Variants in COL25A1 observed in about 807,000 individuals in gnomAD.
The protein encoded by COL25A1 is collagen type XXV alpha 1 chain.
A neutral mutation model predicts 128.4 loss-of-function variants in COL25A1; 103 were observed. That is an observed-to-expected ratio of 0.80 (90% CI 0.68 to 0.94). COL25A1 has a LOEUF of 0.94. COL25A1 is among the 40% of genes least tolerant of loss of function. The pLI is 0.00. For missense variants in COL25A1, 745 were observed against 840.0 expected (o/e 0.89, Z 1.40); for synonymous variants, 279 against 277.2 (o/e 1.01, Z -0.06).
At position 109,050,199 on chromosome 4, in the gene COL25A1, T is replaced by G. The variant is rs1319945533; in HGVS notation, c.368-20A>C. On this transcript the variant is annotated intron_variant, in intron 3 of 37. Transcript: ENST00000399132. ...GAGGGCCTGAAATACAAAGGATAATTTTTTTAGTGTAGTTTAATTCTTTTT... is the reference window on the plus strand; with the variant it reads ...GAGGGCCTGAAATACAAAGGATAATGTTTTTAGTGTAGTTTAATTCTTTTT... 6.3e-7 allele frequency: 1 copy of G among 1,597,418 alleles called. No individual in the cohort carries two copies. The highest frequency in any genetic ancestry group is 8.6e-7 in the Non-Finnish European group (1 of 1,168,860).
chr4:109,023,332 C>G (rs1757939295), intron 5 of COL25A1, among the ~76,000 whole-genome samples: 1 of 152,172 alleles, frequency 6.6e-6, no homozygotes, highest in African/African-American at 2.4e-5. Flanking sequence ...CAAAACATCA[C>G]CACAACAAGG....
At chr4:108,987,868 G>T (rs777367972) in intron 6 of COL25A1, among the ~76,000 whole-genome samples, 16 of 152,076 alleles carry the variant, frequency 1.1e-4, no homozygotes, top group Non-Finnish European at 2.4e-4. Flanking sequence ...CCATGATCTC[G>T]CTCCCCAAAG....
In COL25A1 at chr4:108,941,370, A is replaced by G. The variant is rs758121123; in HGVS notation, c.560T>C (p.Ile187Thr). 1 of 1,613,358 alleles carries G rather than the reference A, an allele frequency of 6.2e-7. No homozygotes were observed. Among genetic ancestry groups the G allele is most frequent in the South Asian group, 1.1e-5 (1 of 91,078 alleles). The change falls in exon 9 of 38, where the codon ATT (isoleucine) becomes ACT (threonine). Residue 187 changes from isoleucine to threonine, a missense_variant. Coordinates refer to ENST00000399132, the MANE Select transcript of COL25A1 (RefSeq NM_198721.4). ...TTCAGCAAGAATAAGCACTACCTTAATCAGGCGGCGTTTAATGAGCTGCTG... is the reference window on the plus strand; with the variant it reads ...TTCAGCAAGAATAAGCACTACCTTAGTCAGGCGGCGTTTAATGAGCTGCTG... Reference protein sequence around the residue: ...ADQQLIKRRLIKGDQGQAGPP... With the variant: ...ADQQLIKRRLTKGDQGQAGPP...
intron 3 of COL25A1, among the ~76,000 whole-genome samples, chr4:109,215,983 A>G (rs1777948686): frequency 6.6e-6 from 1 of 152,100 alleles, no homozygotes; most frequent in Non-Finnish European, 1.5e-5. Context: ...CAGGGCAGCT[A>G]GCTTGCACTG....
intron 3 of COL25A1, among the ~76,000 whole-genome samples, chr4:109,091,509 G>A (rs574316468): frequency 7.2e-5 from 11 of 151,970 alleles, no homozygotes; most frequent in African/African-American, 2.2e-4. Context: ...CATCCAAATC[G>A]TCTCTGTGTG....
At chr4:108,832,289 TC>T in intron 32 of COL25A1, 90 bp downstream of exon 32, 1 of 887,612 alleles carries the variant, frequency 1.1e-6, no homozygotes, top group Non-Finnish European at 1.8e-6. Flanking sequence ...GCCCTTTATT[TC>T]TTCTGAAAAA....
intron 3 of COL25A1, among the ~76,000 whole-genome samples, chr4:109,108,438 C>T (rs1766665226): frequency 6.6e-6 from 1 of 152,110 alleles, no homozygotes; most frequent in African/African-American, 2.4e-5. Context: ...CATTGCTGGA[C>T]ATTTGGCTTG....
chr4:108,895,673 T>A (rs748384343), intron 16 of COL25A1, among the ~76,000 whole-genome samples: 3 of 152,164 alleles, frequency 2.0e-5, no homozygotes, highest in African/African-American at 4.8e-5. Flanking sequence ...CAAGACTGCA[T>A]TAGAGTGTCT....
At chr4:109,162,499 G>A (rs1403980016) in intron 3 of COL25A1, among the ~76,000 whole-genome samples, 2 of 152,180 alleles carry the variant, frequency 1.3e-5, no homozygotes, top group Non-Finnish European at 2.9e-5. Context: ...CTACATAGCA[G>A]TGTGACTCCC....
chr4:109,246,126 A>G (rs560895313), intron 3 of COL25A1, among the ~76,000 whole-genome samples: 2 of 152,170 alleles, frequency 1.3e-5, no homozygotes, highest in African/African-American at 4.8e-5. Flanking sequence ...ATGAAAATAG[A>G]TACTATCATA....
At chr4:109,070,548 T>A (rs1020481052) in intron 3 of COL25A1, among the ~76,000 whole-genome samples, 2 of 152,136 alleles carry the variant, frequency 1.3e-5, no homozygotes, top group Non-Finnish European at 2.9e-5. Context: ...ATTTCTTTTT[T>A]TATTATACTT....
At position 108,867,691 on chromosome 4, in the gene COL25A1, G is replaced by A. The variant is rs149542790; in HGVS notation, c.1083+1397C>T. ...TGGAAATCATCCCTGGCTTATTTCT[G>A]TTGAATGCAGTACACATTGAGGCAA... On this transcript the variant is annotated intron_variant, in intron 20 of 37. Coordinates refer to ENST00000399132, the MANE Select transcript of COL25A1 (RefSeq NM_198721.4). Among the ~76,000 whole-genome samples, 331 of 152,206 alleles carry A rather than the reference G, an allele frequency of 2.2e-3. 2 individuals carry two copies. The highest frequency in any genetic ancestry group is 7.6e-3 in the African/African-American group (317 of 41,540).
chr4:108,818,439 T>C (rs1731453541), intron 36 of COL25A1, among the ~76,000 whole-genome samples: 1 of 152,014 alleles, frequency 6.6e-6, no homozygotes, highest in Non-Finnish European at 1.5e-5. Flanking sequence ...CCTCAGAAAA[T>C]ATGAATATAC....
intron 5 of COL25A1, among the ~76,000 whole-genome samples, chr4:109,043,575 A>T (rs1760137088): frequency 1.7e-5 from 2 of 117,796 alleles, no homozygotes. Flanking sequence ...GATACAAATA[A>T]AACAGCCAGT....
At chr4:109,065,533 C>T (rs898697543) in intron 3 of COL25A1, among the ~76,000 whole-genome samples, 104 of 97,314 alleles carry the variant, frequency 1.1e-3, no homozygotes, top group South Asian at 1.4e-3. Context: ...TGGTGCAGCA[C>T]GCGCGCGCGC....
At chr4:108,967,971 CA>C (rs927757685) in intron 8 of COL25A1, among the ~76,000 whole-genome samples, 3 of 152,238 alleles carry the variant, frequency 2.0e-5, no homozygotes, top group Admixed American at 6.5e-5. Context: ...TGGTGACCGA[CA>C]GCACAGATAA....
intron 3 of COL25A1, among the ~76,000 whole-genome samples, chr4:109,239,273 A>G (rs897019189): frequency 7.3e-5 from 11 of 149,886 alleles, no homozygotes; most frequent in African/African-American, 2.2e-4. Context: ...ATACAGCTAT[A>G]CTATGTATAA....
At chr4:109,299,841 C>T (rs911934777) in intron 3 of COL25A1, among the ~76,000 whole-genome samples, 4 of 152,032 alleles carry the variant, frequency 2.6e-5, no homozygotes, top group Non-Finnish European at 5.9e-5. Flanking sequence ...AGATATCTAC[C>T]AAGCCCTCAA....
chr4:109,258,866 C>T (rs975961515), intron 3 of COL25A1, among the ~76,000 whole-genome samples: 1 of 152,140 alleles, frequency 6.6e-6, no homozygotes, highest in African/African-American at 2.4e-5. Context: ...TAAATATAAT[C>T]ATTAAAATTC....
Sources: gnomAD v4.1 joint callset for allele counts (sites outside exome capture counted in the v4.1 genomes callset) on GRCh38, gnomAD v4.1.1 for gene constraint, MANE v1.5 for transcripts, NCBI Gene and HGNC (gene_info 2026-07-23, HGNC 2026-07-21) for gene names.